SRFBP1: variants seen among roughly 807,000 people sequenced by gnomAD.
The protein encoded by SRFBP1 is serum response factor-binding protein 1.
Under a neutral mutation model 45.5 loss-of-function variants are expected in SRFBP1, and 47 were observed. The ratio of observed to expected loss-of-function variants is 1.03; its 90% CI spans 0.82 to 1.32. The LOEUF (loss-of-function observed/expected upper bound fraction) is 1.32. Among genes scored for constraint, SRFBP1 ranks in the 40% most tolerant of loss-of-function variants. SRFBP1 has a pLI of 0.00. For synonymous variants in SRFBP1, 203 were observed against 166.3 expected, an observed-to-expected ratio of 1.22 and a Z score of -1.70; for missense variants, 621 against 484.6, an observed-to-expected ratio of 1.28 and a Z score of -2.64.
chr5:122,032,741 G>GA (rs1389051729), downstream of SRFBP1, among the ~76,000 whole-genome samples: 6 of 152,062 alleles, frequency 3.9e-5, no homozygotes, highest in Non-Finnish European at 7.4e-5. Context: ...GGAAATATAT[G>GA]AAAAAACAGT....
chr5:122,022,501 G>A lies in SRFBP1; in HGVS notation c.1105+94G>A. On this transcript the variant is annotated intron_variant, in intron 7 of 7. Transcript: ENST00000339397. ...AAATTGTTGTTGCTTAATATAGCCT[G>A]AATGAATTATGTACCCACAGAAATG... 3 of 1,011,732 alleles carry A rather than the reference G, an allele frequency of 3.0e-6. No homozygotes were observed. In the South Asian group the frequency reaches 5.1e-5, roughly 17 times the overall value. 62.7% of individuals were successfully genotyped at this position (1,011,732 alleles called of 1,614,324 possible).
chr5:121,980,249 T>C (rs2112824193), intron 3 of SRFBP1, among the ~76,000 whole-genome samples: 1 of 152,276 alleles, frequency 6.6e-6, no homozygotes, highest in South Asian at 2.1e-4. Flanking sequence ...TATAGAAAAT[T>C]GTAATACTAT....
chr5:121,984,785 C>T (rs1273520013), intron 3 of SRFBP1, among the ~76,000 whole-genome samples: 1 of 151,698 alleles, frequency 6.6e-6, no homozygotes, highest in East Asian at 1.9e-4. Context: ...ACAGAGGGAT[C>T]CAGAACAGAG....
chr5:121,964,306 G>A (rs1321068198), intron 1 of SRFBP1, among the ~76,000 whole-genome samples: 3 of 151,858 alleles, frequency 2.0e-5, no homozygotes, highest in South Asian at 2.1e-4. Flanking sequence ...TTAACCTGTC[G>A]TCTACATTAG....
intron 4 of SRFBP1, among the ~76,000 whole-genome samples, chr5:122,002,316 T>C (rs1257289803): frequency 1.3e-5 from 2 of 152,240 alleles, no homozygotes; most frequent in Non-Finnish European, 2.9e-5. Flanking sequence ...ATTTCATTCT[T>C]ATTCATTCTT....
chr5:122,007,737 A>G lies in SRFBP1; in HGVS notation c.271-11523A>G, dbSNP rs1017188843. Among the ~76,000 whole-genome samples the G allele has an allele frequency of 3.1e-4, 47 of 150,490 alleles. 1 individual carries two copies. Among genetic ancestry groups the G allele is most frequent in the African/African-American group, 1.1e-3 (45 of 40,062 alleles). On this transcript the variant is annotated intron_variant, in intron 4 of 7. Transcript: ENST00000339397. Reference sequence around the variant, plus strand: ...CTGGAGAATGGAGCATCAGAGGCCAACCTGGAGCGTGGGGCCTTGGGGACT... The same window carrying G: ...CTGGAGAATGGAGCATCAGAGGCCAGCCTGGAGCGTGGGGCCTTGGGGACT...
chr5:121,966,104 T>C (rs2112810147), intron 1 of SRFBP1, among the ~76,000 whole-genome samples: 1 of 152,322 alleles, frequency 6.6e-6, no homozygotes, highest in Non-Finnish European at 1.5e-5. Flanking sequence ...AATGGGGTTT[T>C]CTAGATATAC....
rs374127831 is a variant in SRFBP1, at chr5:121,991,929, T to G, written c.199-2670T>G. On this transcript the variant is annotated intron_variant, in intron 3 of 7. Transcript: ENST00000339397. ...AAAAAGTTTAAGCCATCCAAATGCA[T>G]CTATATTTTACTTAGTTTTAAGGTA... is the stretch of plus-strand genomic sequence containing the variant. Among the ~76,000 whole-genome samples, 131 of 152,268 alleles carry G rather than the reference T, an allele frequency of 8.6e-4. 4 individuals are homozygous for G. The South Asian group carries it at 0.023, about 27-fold the overall frequency.
intron 2 of SRFBP1, chr5:122,065,863 A>G (rs1754286115): frequency 6.6e-6 from 1 of 152,010 alleles, no homozygotes; most frequent in African/African-American, 2.4e-5. Flanking sequence ...AATATGTTTA[A>G]ATGCATTTTA....
chr5:122,066,689 C>T, intron 2 of SRFBP1: 1 of 1,492,948 alleles, frequency 6.7e-7, no homozygotes, highest in Non-Finnish European at 9.3e-7. Context: ...TCTATTTTTT[C>T]CCACTTCAGA....
chr5:122,046,614 A>G (rs1017210132), intron 2 of SRFBP1, among the ~76,000 whole-genome samples: 1 of 152,208 alleles, frequency 6.6e-6, no homozygotes, highest in African/African-American at 2.4e-5. Flanking sequence ...TCCCTGAGGA[A>G]TAGCCACACT....
intron 3 of SRFBP1, among the ~76,000 whole-genome samples, chr5:121,984,265 G>T (rs749669018): frequency 6.6e-6 from 1 of 151,740 alleles, no homozygotes; most frequent in Non-Finnish European, 1.5e-5. Context: ...TAGTAATTTG[G>T]TTATATTTTT....
At chr5:121,978,497 T>G (rs1222132506) in intron 3 of SRFBP1, among the ~76,000 whole-genome samples, 1 of 150,802 alleles carries the variant, frequency 6.6e-6, no homozygotes, top group Non-Finnish European at 1.5e-5. Flanking sequence ...CTGTATTTCT[T>G]TTTTTTTTAC....
chr5:121,962,771 T>C (rs1165818172), intron 1 of SRFBP1, among the ~76,000 whole-genome samples: 1 of 152,198 alleles, frequency 6.6e-6, no homozygotes, highest in Non-Finnish European at 1.5e-5. Flanking sequence ...CAAAATAATG[T>C]CATCCAAAGT....
intron 3 of SRFBP1, among the ~76,000 whole-genome samples, chr5:121,985,256 G>A (rs1285006979): frequency 6.6e-6 from 1 of 151,630 alleles, no homozygotes; most frequent in Non-Finnish European, 1.5e-5. Context: ...CTTAAAAGTT[G>A]AATGAAACTT....
At chr5:121,999,399 G>A (rs72786957) in intron 4 of SRFBP1, among the ~76,000 whole-genome samples, 8,364 of 151,908 alleles carry the variant, frequency 0.055, 321 homozygotes, top group Non-Finnish European at 0.083. Context: ...AGCATATCTT[G>A]GTAAATATTT....
At chr5:121,996,056 G>A (rs1309696807) in intron 4 of SRFBP1, among the ~76,000 whole-genome samples, 1 of 151,226 alleles carries the variant, frequency 6.6e-6, no homozygotes, top group Admixed American at 6.6e-5. Flanking sequence ...AGGACCAGAT[G>A]GACTCACAGC....
chr5:121,962,037 C>T lies in SRFBP1; in HGVS notation c.5C>T (p.Ala2Val). Residue 2 changes from alanine to valine, a missense_variant, in exon 1 of 8, where the codon GCT becomes GTT. Coordinates refer to ENST00000339397, the MANE Select transcript of SRFBP1 (RefSeq NM_152546.3). M[A>V]QPGTLNLNNE... The stretch of plus-strand genomic sequence containing the variant: ...GATCATATTCCTTCATCTACCATGG[C>T]TCAGCCGGGAACTCTGAACCTCAAT... 6.2e-7 allele frequency: 1 copy of T among 1,614,114 alleles called. No individual in the cohort carries two copies. The highest frequency in any genetic ancestry group is 8.5e-7 in the Non-Finnish European group (1 of 1,180,030).
In SRFBP1 at chr5:122,020,803, G is replaced by A; in HGVS notation, c.1067+1G>A. On this transcript the variant is annotated splice_donor_variant, in intron 6 of 7. Coordinates refer to ENST00000339397, the MANE Select transcript of SRFBP1 (RefSeq NM_152546.3). LOFTEE classifies it high-confidence loss of function. ...TATCTGGATCTAAAAGCTCTAGAAG[G>A]TAAGATTCTTTTTCTATTCTGAAAT... The A allele has an allele frequency of 6.5e-7, 1 of 1,539,696 alleles. No homozygotes were observed. Among genetic ancestry groups the A allele is most frequent in the Non-Finnish European group, 8.7e-7 (1 of 1,149,642 alleles).
Sources: gnomAD v4.1 joint callset for allele counts (sites outside exome capture counted in the v4.1 genomes callset) on GRCh38, gnomAD v4.1.1 for gene constraint, MANE v1.5 for transcripts, NCBI Gene and HGNC (gene_info 2026-07-23, HGNC 2026-07-21) for gene names.